Variants in ABCC8 observed in about 807,000 individuals in gnomAD.
The protein encoded by ABCC8 is ATP-binding cassette sub-family C member 8.
ABCC8 carries 137 observed loss-of-function variants against 188.0 expected under a neutral mutation model. The ratio of observed to expected loss-of-function variants is 0.73; its 90% CI spans 0.63 to 0.84. The LOEUF (loss-of-function observed/expected upper bound fraction) is 0.84, where lower values mean the gene tolerates loss of function less well. ABCC8 is among the 40% of genes least tolerant of loss of function. The probability of loss-of-function intolerance (pLI) is 0.00; values close to 1 mark genes in which losing one functional copy is unlikely to be tolerated. For synonymous variants in ABCC8, 797 were observed against 846.5 expected, an observed-to-expected ratio of 0.94 and a Z score of 1.01; for missense variants, 1,750 against 2,072.7, an observed-to-expected ratio of 0.84 and a Z score of 3.02.
At position 17,412,684 on chromosome 11, in the gene ABCC8, G is replaced by A. The variant is rs73423037; in HGVS notation, c.2538C>T (p.His846=). The part of the protein sequence containing the change: ...RISVARALYQ[H]ANVVFLDDPF... ...CACTCACCAAGAAGACAACGTTGGCGTGCTGGTAGAGGGCTCGGGCCACAC... is the reference window on the plus strand; with the variant it reads ...CACTCACCAAGAAGACAACGTTGGCATGCTGGTAGAGGGCTCGGGCCACAC... Residue 846 remains histidine, a synonymous_variant, in exon 21 of 39, where the codon CAC becomes CAT. Coordinates refer to ENST00000389817, the MANE Select transcript of ABCC8 (RefSeq NM_000352.6). 3,179 of 1,611,952 alleles carry A rather than the reference G, an allele frequency of 2.0e-3. 58 individuals are homozygous for A. The African/African-American group carries it at 0.033, about 17-fold the overall frequency.
chr11:17,460,811 C>A (rs1957162957), intron 5 of ABCC8, 135 bp from the exon 6 acceptor site: 17 of 1,510,264 alleles, frequency 1.1e-5, no homozygotes, highest in Non-Finnish European at 1.5e-5. Flanking sequence ...AGGTGAACTC[C>A]AGGAAGAGAT....
intron 22 of ABCC8, among the ~76,000 whole-genome samples, chr11:17,409,451 T>C (rs868290989): frequency 1.3e-5 from 2 of 152,220 alleles, no homozygotes; most frequent in Middle Eastern, 3.2e-3. Context: ...CTACAAGGTA[T>C]TGCCAAGGTC....
intron 8 of ABCC8, among the ~76,000 whole-genome samples, chr11:17,447,051 C>T (rs1956562489): frequency 6.6e-6 from 1 of 152,182 alleles, no homozygotes; most frequent in Non-Finnish European, 1.5e-5. Context: ...CATAGCAACT[C>T]CAGAGGGTGG....
In ABCC8 at chr11:17,448,670, G is replaced by C. The variant is rs377104807; in HGVS notation, c.1178C>G (p.Thr393Ser). 1.2e-6 allele frequency: 2 copies of C among 1,614,028 alleles called. No homozygotes were observed. Among genetic ancestry groups the C allele is most frequent in the African/African-American group, 2.7e-5 (2 of 74,904 alleles). The stretch of plus-strand genomic sequence containing the variant: ...GTGCATAATTTTATTGTAAATCTTG[G>C]TCTAGAAATGAGAGCAGAGTGTTTC... ...TGINLRGAIQ[T>S]KIYNKIMHLS... Residue 393 changes from threonine to serine, a missense_variant and splice_region_variant, in exon 8 of 39, where the codon ACC (threonine) becomes AGC (serine). Physicochemically the swap from Thr to Ser is moderately conservative, Grantham distance 58 (BLOSUM62 1). Transcript: ENST00000389817.
At chr11:17,417,105 G>A in intron 16 of ABCC8, 143 bp from the exon 17 acceptor site, 9 of 1,534,628 alleles carry the variant, frequency 5.9e-6, no homozygotes, top group Non-Finnish European at 8.0e-6. Context: ...CCTCTGTGGG[G>A]TCAGAAAGCA....
chr11:17,457,598 G>T (rs979719939), intron 6 of ABCC8, among the ~76,000 whole-genome samples: 1 of 152,182 alleles, frequency 6.6e-6, no homozygotes, highest in Admixed American at 6.5e-5. Context: ...TGGGAGTAGG[G>T]GTTGGGTTGG....
intron 2 of ABCC8, among the ~76,000 whole-genome samples, chr11:17,471,043 T>A (rs569523563): frequency 6.6e-6 from 1 of 152,348 alleles, no homozygotes; most frequent in South Asian, 2.1e-4. Flanking sequence ...AGCCACTTTA[T>A]CAGATCTGCC....
At chr11:17,406,501 CCTT>C (rs1954530836) in intron 26 of ABCC8, 118 bp downstream of exon 26, 2 of 1,114,086 alleles carry the variant, frequency 1.8e-6, no homozygotes, top group Admixed American at 2.3e-5. Context: ...CACACTGTCT[CCTT>C]GAGTCACCCC....
Position 17,392,910 on chromosome 11 carries a change from T to A in ABCC8, c.*81A>T. The A allele has an allele frequency of 6.7e-7, 1 of 1,491,356 alleles. No homozygotes were observed. Among genetic ancestry groups the A allele is most frequent in the Non-Finnish European group, 9.3e-7 (1 of 1,073,760 alleles). 92.4% of individuals were successfully genotyped at this position (1,491,356 alleles called of 1,614,324 possible). ...TAGGAAATAATCAAATCTATTTATT[T>A]ACAAGTGATTTACAGTTAGAAAACC... On this transcript the variant is annotated 3_prime_UTR_variant, in exon 39 of 39. Coordinates refer to ENST00000389817, the MANE Select transcript of ABCC8 (RefSeq NM_000352.6).
chr11:17,430,165 C>G (rs1955779189), intron 12 of ABCC8: 1 of 159,478 alleles, frequency 6.3e-6, no homozygotes, highest in African/African-American at 2.4e-5. Context: ...TCTTCTCACT[C>G]CAGACAGGGC....
chr11:17,461,558 A>T (rs1957188347), intron 5 of ABCC8, 25 bp downstream of exon 5: 2 of 1,614,076 alleles, frequency 1.2e-6, no homozygotes, highest in South Asian at 1.1e-5. Flanking sequence ...CAGTGAATAG[A>T]TGGTGTGGCT....
intron 7 of ABCC8, among the ~76,000 whole-genome samples, chr11:17,449,255 T>C (rs1385731914): frequency 1.3e-5 from 2 of 152,206 alleles, no homozygotes; most frequent in Non-Finnish European, 2.9e-5. Flanking sequence ...CAGATCTTCA[T>C]GTCCACTTGT....
At chr11:17,453,741 G>A (rs1299968531) in intron 6 of ABCC8, among the ~76,000 whole-genome samples, 1 of 152,178 alleles carries the variant, frequency 6.6e-6, no homozygotes, top group Non-Finnish European at 1.5e-5. Flanking sequence ...TTACTGAGCA[G>A]AAAAGGCCAG....
At position 17,404,622 on chromosome 11, in the gene ABCC8, A is replaced by T. The variant is rs764564256; in HGVS notation, c.3447T>A (p.Cys1149Ter). 1 of 1,613,662 alleles carries T rather than the reference A, an allele frequency of 6.2e-7. No individual in the cohort carries two copies. Among genetic ancestry groups the T allele is most frequent in the South Asian group, 1.1e-5 (1 of 91,014 alleles). The change falls in exon 28 of 39, where the codon TGT becomes TGA. Residue 1149 changes from cysteine (C) to a stop codon, truncating the protein, a stop_gained. Transcript: ENST00000389817. LOFTEE classifies it high-confidence loss of function. The surrounding 1 kb of genome is among the most constrained non-coding windows in gnomAD (Gnocchi z 4.7). ...AGGAGATGACGGCCAGGGCTGAGAC[A>T]CAGAGCAGGGTGGAGCGGCTCAGGC... ...LECLSRSTLL[C>*]VSALAVISYV...
intron 28 of ABCC8, among the ~76,000 whole-genome samples, chr11:17,403,949 C>G (rs914866549): frequency 7.2e-5 from 11 of 152,122 alleles, no homozygotes; most frequent in Admixed American, 3.3e-4. Context: ...GGGAGAATCA[C>G]TCCCAGAAAG....
At position 17,407,406 on chromosome 11, in the gene ABCC8, A is replaced by C; in HGVS notation, c.2868T>G (p.Ser956=). ...GGCCATCCCTCGAGGACATGGCACG[A>C]GATAGGCCCTGGGGTGGCTCTGTGG... ...RKATEPPQGL[S]RAMSSRDGLL... is the part of the protein sequence containing the mutation. The change falls in exon 24 of 39, where the codon TCT becomes TCG. Residue 956 remains serine (S), a synonymous_variant. Coordinates refer to ENST00000389817, the MANE Select transcript of ABCC8 (RefSeq NM_000352.6). 6.2e-7 allele frequency: 1 copy of C among 1,614,124 alleles called. No homozygotes were observed. The highest frequency in any genetic ancestry group is 8.5e-7 in the Non-Finnish European group (1 of 1,180,034).
rs751209734 is a variant in ABCC8 at position 17,470,206 on chromosome 11, G to A, written c.307C>T (p.His103Tyr). Reference protein sequence around the residue: ...ILSDGVTESHHLHLYMPAGMA... With the variant: ...ILSDGVTESHYLHLYMPAGMA... ...CCGGCTGGCATGTACAGGTGCAGATGGTGGGATTCGGTCACCCTGAGATGG... is the reference window on the plus strand; with the variant it reads ...CCGGCTGGCATGTACAGGTGCAGATAGTGGGATTCGGTCACCCTGAGATGG... The change falls in exon 3 of 39, where the codon CAT becomes TAT. Residue 103 changes from histidine to tyrosine, a missense_variant. Transcript: ENST00000389817. The A allele has an allele frequency of 1.5e-5, 24 of 1,614,036 alleles. No individual in the cohort carries two copies. In the East Asian group the frequency reaches 5.1e-4, roughly 34 times the overall value.
chr11:17,470,013 GC>G lies in ABCC8; in HGVS notation c.412+87del, dbSNP rs1848391139. ...CTATTCCAAATCTCTACTGTTTAGA[GC>G]AATAGCTGGCACATAATGAGTCCTC... On this transcript the variant is annotated intron_variant, in intron 3 of 38. Transcript: ENST00000389817. The G allele has an allele frequency of 2.0e-6, 3 of 1,512,864 alleles. No individual in the cohort carries two copies. The Admixed American group carries it at 5.1e-5, about 26-fold the overall frequency. 93.7% of individuals were successfully genotyped at this position (1,512,864 alleles called of 1,614,324 possible). A position where few individuals can be genotyped will look rare whatever the true frequency, so the allele number is the denominator to read the frequency against.
rs1954766374 is a variant in ABCC8, at chr11:17,410,673, A to G, written c.2557-20T>C. 5 of 1,613,854 alleles carry G rather than the reference A, an allele frequency of 3.1e-6. No individual in the cohort carries two copies. The highest frequency in any genetic ancestry group is 4.2e-6 in the Non-Finnish European group (5 of 1,179,800). ...GTCATCCTGGGCAGAAGGGAGAGGAAGAGAGTAGAGGGTAGGGAAAGGCAT... is the reference window on the plus strand; with the variant it reads ...GTCATCCTGGGCAGAAGGGAGAGGAGGAGAGTAGAGGGTAGGGAAAGGCAT... On this transcript the variant is annotated intron_variant, in intron 21 of 38. Transcript: ENST00000389817.
Sources: allele counts gnomAD v4.1 joint callset (sites outside exome capture counted in the v4.1 genomes callset), GRCh38; gene constraint gnomAD v4.1.1; non-coding constraint Gnocchi (gnomAD v3.1); transcripts MANE v1.5; gene names NCBI Gene and HGNC (gene_info 2026-07-23, HGNC 2026-07-21).